MYO5B: variants seen among roughly 807,000 people sequenced by gnomAD.
MYO5B encodes myosin VB.
In MYO5B, 143 loss-of-function variants were observed where a neutral mutation model predicts 229.3. The observed-to-expected ratio is 0.62, with a 90% CI of 0.54 to 0.72. The LOEUF is 0.72. Among genes scored for constraint, MYO5B ranks in the 30% least tolerant of loss-of-function variants. MYO5B has a pLI of 0.00. For synonymous variants in MYO5B, 918 were observed against 885.2 expected, an observed-to-expected ratio of 1.04 and a Z score of -0.66; for missense variants, 2,321 against 2,331.0, an observed-to-expected ratio of 1.00 and a Z score of 0.09.
chr18:49,887,718 T>C (rs1012089911), intron 22 of MYO5B, among the ~76,000 whole-genome samples: 1 of 152,184 alleles, frequency 6.6e-6, no homozygotes, highest in African/African-American at 2.4e-5. Flanking sequence ...TCTCCCTCTG[T>C]CACCCAGACT....
chr18:50,046,953 G>C (rs1430890387), intron 2 of MYO5B, among the ~76,000 whole-genome samples: 1 of 152,100 alleles, frequency 6.6e-6, no homozygotes, highest in Non-Finnish European at 1.5e-5. Context: ...ATGGATTAAA[G>C]ACTTACATGT....
At chr18:50,073,699 A>G (rs1370966028) in intron 1 of MYO5B, among the ~76,000 whole-genome samples, 1 of 152,104 alleles carries the variant, frequency 6.6e-6, no homozygotes. Context: ...ATGTAGATTG[A>G]AAGTTTTAAA....
chr18:49,911,646 C>G (rs759704416), intron 18 of MYO5B, among the ~76,000 whole-genome samples: 2 of 152,168 alleles, frequency 1.3e-5, no homozygotes, highest in African/African-American at 4.8e-5. Flanking sequence ...CAAGTCTGAT[C>G]AGGGCCCAGT....
At chr18:50,040,077 G>T in intron 3 of MYO5B, 66 bp downstream of exon 3, 1 of 1,533,618 alleles carries the variant, frequency 6.5e-7, no homozygotes, top group Non-Finnish European at 9.0e-7. Flanking sequence ...AAGCATTTGA[G>T]TTGAGCAAGT....
At chr18:50,094,915 C>A (rs1335896193) in intron 1 of MYO5B, among the ~76,000 whole-genome samples, 1 of 152,210 alleles carries the variant, frequency 6.6e-6, no homozygotes, top group Non-Finnish European at 1.5e-5. Flanking sequence ...GCAACCTCCA[C>A]TTCCTAGGCT....
At position 49,908,681 on chromosome 18, in the gene MYO5B, C is replaced by T. The variant is rs143668431; in HGVS notation, c.2203-2051G>A. ...ACTGTGATGAAGATTCAGGCTTGCA[C>T]GACAGCCAGTCTCCGTGATGTGGTC... On this transcript the variant is annotated intron_variant, in intron 18 of 39. Transcript: ENST00000285039. Among the ~76,000 whole-genome samples, 646 of 152,300 alleles carry T rather than the reference C, an allele frequency of 4.2e-3. 5 individuals carry two copies. Among genetic ancestry groups the T allele is most frequent in the African/African-American group, 0.015 (620 of 41,558 alleles).
intron 39 of MYO5B, among the ~76,000 whole-genome samples, chr18:49,830,664 A>G (rs1598815738): frequency 1.3e-5 from 2 of 152,060 alleles, no homozygotes; most frequent in African/African-American, 4.8e-5. Context: ...CCTGGCAAAC[A>G]TGGTGAAGCC....
At chr18:50,151,995 A>C (rs1276656764) in intron 1 of MYO5B, among the ~76,000 whole-genome samples, 1 of 152,194 alleles carries the variant, frequency 6.6e-6, no homozygotes, top group Non-Finnish European at 1.5e-5. Flanking sequence ...TCCTTCCTTG[A>C]CTTTGATCCA....
intron 22 of MYO5B, 26 bp from the exon 23 acceptor site, chr18:49,880,481 T>A (rs1282835934): frequency 6.4e-7 from 1 of 1,570,774 alleles, no homozygotes; most frequent in African/African-American, 1.3e-5. Flanking sequence ...AGGGGAAAAA[T>A]GTCTCATGAT....
At chr18:50,056,829 G>T (rs1042786601) in intron 1 of MYO5B, among the ~76,000 whole-genome samples, 1 of 149,772 alleles carries the variant, frequency 6.7e-6, no homozygotes, top group Non-Finnish European at 1.5e-5. Flanking sequence ...AGTGAAAGTT[G>T]TAAGGCAACA....
At chr18:50,027,692 C>A (rs1234439518) in intron 4 of MYO5B, among the ~76,000 whole-genome samples, 1 of 152,124 alleles carries the variant, frequency 6.6e-6, no homozygotes, top group Non-Finnish European at 1.5e-5. Flanking sequence ...CTGCTCCATG[C>A]ACATTACAGG....
chr18:49,861,120 A>G (rs193291591), intron 29 of MYO5B, among the ~76,000 whole-genome samples: 14 of 152,334 alleles, frequency 9.2e-5, no homozygotes, highest in African/African-American at 3.4e-4. Context: ...TCCACTCCCC[A>G]GGGCAGCCAG....
intron 7 of MYO5B, among the ~76,000 whole-genome samples, chr18:49,985,867 A>G (rs1017229738): frequency 6.6e-6 from 1 of 152,138 alleles, no homozygotes; most frequent in Non-Finnish European, 1.5e-5. Flanking sequence ...TGTCCTTGCA[A>G]TTTGATCTCA....
chr18:50,145,801 A>G (rs913317644), intron 1 of MYO5B, among the ~76,000 whole-genome samples: 9 of 152,198 alleles, frequency 5.9e-5, no homozygotes, highest in Non-Finnish European at 1.0e-4. Flanking sequence ...GAGGGATACC[A>G]AAGTATATCA....
chr18:50,007,201 G>A (rs768522543), intron 4 of MYO5B, among the ~76,000 whole-genome samples: 1 of 152,174 alleles, frequency 6.6e-6, no homozygotes, highest in Non-Finnish European at 1.5e-5. Context: ...TGGCATCCAA[G>A]CCTATCCCTG....
intron 2 of MYO5B, among the ~76,000 whole-genome samples, chr18:50,043,305 T>TTA (rs2030084636): frequency 1.0e-5 from 1 of 99,006 alleles, no homozygotes; most frequent in Non-Finnish European, 1.9e-5. Context: ...ATATAATATA[T>TTA]AATATAAATA....
intron 16 of MYO5B, among the ~76,000 whole-genome samples, chr18:49,931,697 G>T (rs1299016473): frequency 6.6e-6 from 1 of 152,188 alleles, no homozygotes; most frequent in Non-Finnish European, 1.5e-5. Flanking sequence ...GCAATGACCA[G>T]TCATAAGCAG....
intron 1 of MYO5B, among the ~76,000 whole-genome samples, chr18:50,190,210 G>T (rs2033208466): frequency 6.6e-6 from 1 of 152,172 alleles, no homozygotes. Context: ...GTATTATTCA[G>T]CCTGAGAAGG....
At chr18:50,146,220 T>C (rs1438170165) in intron 1 of MYO5B, among the ~76,000 whole-genome samples, 2 of 152,240 alleles carry the variant, frequency 1.3e-5, no homozygotes, top group African/African-American at 2.4e-5. Flanking sequence ...TTGGGGCTGT[T>C]AGCCCAAGCC....
Sources: allele counts gnomAD v4.1 joint callset (sites outside exome capture counted in the v4.1 genomes callset), GRCh38; gene constraint gnomAD v4.1.1; transcripts MANE v1.5; gene names NCBI Gene and HGNC (gene_info 2026-07-23, HGNC 2026-07-21).